Variants in INPP4B observed in about 807,000 individuals in gnomAD.
The protein encoded by INPP4B is inositol polyphosphate-4-phosphatase type II B.
In INPP4B, 55 loss-of-function variants were observed where a neutral mutation model predicts 122.5. The observed-to-expected ratio is 0.45, with a 90% confidence interval of 0.36 to 0.56. The LOEUF (loss-of-function observed/expected upper bound fraction) is 0.56, where lower values mean the gene tolerates loss of function less well. Ranked by LOEUF, INPP4B falls within the 20% of genes least tolerant of loss-of-function variation. The pLI is 0.00. For synonymous variants in INPP4B, 403 were observed against 388.7 expected, an observed-to-expected ratio of 1.04 and a Z score of -0.43; for missense variants, 1,000 against 1,097.7, an observed-to-expected ratio of 0.91 and a Z score of 1.26.
chr4:142,145,790 T>A, intron 18 of INPP4B, 50 bp downstream of exon 18: 3 of 1,565,650 alleles, frequency 1.9e-6, no homozygotes, highest in Non-Finnish European at 1.7e-6. Flanking sequence ...TTCACGAGTT[T>A]CTCATTTTGT....
intron 13 of INPP4B, 95 bp downstream of exon 13, chr4:142,208,801 T>G (rs1426821998): frequency 2.1e-6 from 2 of 958,778 alleles, no homozygotes; most frequent in African/African-American, 3.4e-5. Flanking sequence ...TCTCCAGTTC[T>G]CCTATCTACA....
At chr4:142,710,653 C>T (rs1481798946) in intron 2 of INPP4B, among the ~76,000 whole-genome samples, 1 of 152,158 alleles carries the variant, frequency 6.6e-6, no homozygotes, top group Non-Finnish European at 1.5e-5. Flanking sequence ...CATGAATGAG[C>T]AATCTATATC....
chr4:142,759,162 T>C (rs575375614), intron 1 of INPP4B, among the ~76,000 whole-genome samples: 1 of 152,240 alleles, frequency 6.6e-6, no homozygotes, highest in East Asian at 1.9e-4. Context: ...TTAAAGCATT[T>C]AACTAGTATG....
intron 3 of INPP4B, among the ~76,000 whole-genome samples, chr4:142,435,506 A>C (rs1810272017): frequency 6.6e-6 from 1 of 151,712 alleles, no homozygotes; most frequent in South Asian, 2.1e-4. Context: ...AAGATGGCCA[A>C]CTAGAAGCAG....
chr4:142,458,635 A>G (rs1816021430), intron 3 of INPP4B, among the ~76,000 whole-genome samples: 1 of 152,198 alleles, frequency 6.6e-6, no homozygotes, highest in African/African-American at 2.4e-5. Flanking sequence ...AACCAATTTG[A>G]CAAGGCAGTA....
chr4:142,207,788 A>C (rs2149513936), intron 14 of INPP4B, among the ~76,000 whole-genome samples: 1 of 152,300 alleles, frequency 6.6e-6, no homozygotes, highest in African/African-American at 2.4e-5. Flanking sequence ...CGAGATGAAA[A>C]GACATTGGAA....
chr4:142,105,257 A>G (rs1432476337), intron 23 of INPP4B, among the ~76,000 whole-genome samples: 15 of 152,206 alleles, frequency 9.9e-5, no homozygotes, highest in Admixed American at 9.8e-4. Context: ...GAGATTTTAA[A>G]TAGTCTAAAA....
chr4:142,249,162 T>C (rs564002581), intron 11 of INPP4B, among the ~76,000 whole-genome samples: 1 of 152,210 alleles, frequency 6.6e-6, no homozygotes, highest in African/African-American at 2.4e-5. Context: ...TTTGTTTGGA[T>C]TCCAACTCAC....
intron 11 of INPP4B, among the ~76,000 whole-genome samples, chr4:142,241,486 C>T (rs1185541583): frequency 1.3e-5 from 2 of 152,114 alleles, no homozygotes; most frequent in African/African-American, 2.4e-5. Context: ...CAGCACAACT[C>T]AAATTTCTAT....
chr4:142,237,784 A>G, intron 12 of INPP4B, 80 bp downstream of exon 12: 1 of 806,682 alleles, frequency 1.2e-6, no homozygotes, highest in East Asian at 2.8e-5. Flanking sequence ...TGTTGCACAG[A>G]TTATATATAA....
intron 3 of INPP4B, among the ~76,000 whole-genome samples, chr4:142,450,104 C>G (rs1200995025): frequency 1.3e-5 from 2 of 152,160 alleles, no homozygotes; most frequent in African/African-American, 4.8e-5. Context: ...CCGACCCAGC[C>G]TAGATTCTGT....
At chr4:142,297,467 G>C (rs914865488) in intron 9 of INPP4B, among the ~76,000 whole-genome samples, 3 of 152,170 alleles carry the variant, frequency 2.0e-5, no homozygotes, top group Non-Finnish European at 4.4e-5. Context: ...ATGGCTTAGT[G>C]CCATCCTAGA....
chr4:142,837,521 T>C (rs996631806), intron 1 of INPP4B, among the ~76,000 whole-genome samples: 1 of 152,188 alleles, frequency 6.6e-6, no homozygotes, highest in Non-Finnish European at 1.5e-5. Context: ...ATGAAAATAT[T>C]GTCCTCCCTT....
intron 7 of INPP4B, among the ~76,000 whole-genome samples, chr4:142,383,231 A>G (rs1285565920): frequency 1.3e-5 from 2 of 152,150 alleles, no homozygotes; most frequent in South Asian, 2.1e-4. Context: ...ATTGAAATTT[A>G]CTTATAGCTG....
chr4:142,286,586 T>G (rs570821901), intron 9 of INPP4B, among the ~76,000 whole-genome samples: 153 of 152,284 alleles, frequency 1.0e-3, no homozygotes, highest in African/African-American at 3.6e-3. Flanking sequence ...ATAAATTTCT[T>G]AGAACTCTTT....
chr4:142,737,731 T>A lies in INPP4B; in HGVS notation c.-253-11830A>T, dbSNP rs1162128537. Reference sequence around the variant, plus strand: ...CTACTCATCTGACAAAGGGCTAATATCCAGAATCTACAATGAACTCAAACA... The same window carrying A: ...CTACTCATCTGACAAAGGGCTAATAACCAGAATCTACAATGAACTCAAACA... On this transcript the variant is annotated intron_variant, in intron 1 of 25. Coordinates refer to ENST00000262992, the MANE Select transcript of INPP4B (RefSeq NM_001101669.3). Among the ~76,000 whole-genome samples the A allele has an allele frequency of 1.1e-4, 16 of 152,068 alleles. No individual in the cohort carries two copies. In the South Asian group the frequency reaches 3.3e-3, roughly 32 times the overall value.
rs533084011 is a variant in INPP4B, at chr4:142,314,111, C to G, written c.423+601G>C. On this transcript the variant is annotated intron_variant, in intron 8 of 25. Coordinates refer to ENST00000262992, the MANE Select transcript of INPP4B (RefSeq NM_001101669.3). ...TCTGAACACACAGATCGCAGGGATT[C>G]AGCCTGTGGGCTATATCTTTTAGGA... Among the ~76,000 whole-genome samples the G allele has an allele frequency of 9.8e-5, 15 of 152,292 alleles. No homozygotes were observed. In the South Asian group the frequency reaches 3.1e-3, roughly 32 times the overall value.
chr4:142,513,350 T>C (rs1480593174), intron 2 of INPP4B, among the ~76,000 whole-genome samples: 1 of 151,812 alleles, frequency 6.6e-6, no homozygotes, highest in African/African-American at 2.4e-5. Flanking sequence ...ATTTGGTGTC[T>C]GGTAAACTGT....
At position 142,027,482 on chromosome 4, in the gene INPP4B, C is replaced by T. The variant is rs187159123; in HGVS notation, c.*1300G>A. 3.9e-5 allele frequency: 6 copies of T among 152,294 alleles called. No individual in the cohort carries two copies. Among genetic ancestry groups the T allele is most frequent in the African/African-American group, 7.2e-5 (3 of 41,594 alleles). The allele number at this position is 152,294 out of a possible 1,614,324, so 9.4% of individuals were successfully genotyped here. The stretch of plus-strand genomic sequence containing the variant: ...GTAAAATTTGGAGAAAAGTTTCATT[C>T]GTTCAGACTTTTGTACTCTTAGTTT... On this transcript the variant is annotated 3_prime_UTR_variant, in exon 26 of 26. Transcript: ENST00000262992.
Sources: gnomAD v4.1 joint callset for allele counts (sites outside exome capture counted in the v4.1 genomes callset) on GRCh38, gnomAD v4.1.1 for gene constraint, MANE v1.5 for transcripts, NCBI Gene and HGNC (gene_info 2026-07-23, HGNC 2026-07-21) for gene names.